Variants in PIP5K1B observed in about 807,000 individuals in gnomAD.
The protein encoded by PIP5K1B is phosphatidylinositol 4-phosphate 5-kinase type-1 beta.
In PIP5K1B, 42 loss-of-function variants were observed where a neutral mutation model predicts 67.0. The ratio of observed to expected loss-of-function variants is 0.63; its 90% CI spans 0.49 to 0.81. PIP5K1B has a LOEUF of 0.81. PIP5K1B is among the 30% of genes least tolerant of loss of function. PIP5K1B has a pLI of 0.00. For synonymous variants in PIP5K1B, 214 were observed against 231.4 expected (o/e 0.92, Z 0.68); for missense variants, 459 against 646.3 (o/e 0.71, Z 3.14).
chr9:68,710,293 T>A (rs184532860), intron 1 of PIP5K1B, among the ~76,000 whole-genome samples: 3 of 152,224 alleles, frequency 2.0e-5, no homozygotes, highest in African/African-American at 7.2e-5. Context: ...TCATTTGTGG[T>A]CTTATCAATA....
chr9:68,971,830 A>T (rs916884072), intron 14 of PIP5K1B, among the ~76,000 whole-genome samples: 2 of 151,950 alleles, frequency 1.3e-5, no homozygotes, highest in African/African-American at 4.8e-5. Context: ...CCACTTTTTG[A>T]TGGGGTTGTT....
At chr9:68,815,160 A>G (rs892758741) in intron 2 of PIP5K1B, among the ~76,000 whole-genome samples, 3 of 152,098 alleles carry the variant, frequency 2.0e-5, no homozygotes, top group African/African-American at 7.2e-5. Flanking sequence ...ATACAAAATG[A>G]CAAATTCTCT....
Position 68,894,328 on chromosome 9 carries a change from T to G in PIP5K1B, c.472-11T>G. 2 of 1,556,076 alleles carry G rather than the reference T, an allele frequency of 1.3e-6. No individual in the cohort carries two copies. The highest frequency in any genetic ancestry group is 1.8e-6 in the Non-Finnish European group (2 of 1,141,650). ...AGATTGTAAATATATTTTTCTTTTT[T>G]TGGTTTCTAGAATTTAAACCAGAAT... On this transcript the variant is annotated splice_polypyrimidine_tract_variant and intron_variant, in intron 7 of 15. Transcript: ENST00000265382.
chr9:68,994,030 T>C (rs1830496878), intron 15 of PIP5K1B, among the ~76,000 whole-genome samples: 1 of 144,088 alleles, frequency 6.9e-6, no homozygotes, highest in South Asian at 2.2e-4. Context: ...TCACTGTTTT[T>C]TCCTGAATTT....
At chr9:68,711,642 G>A (rs11143487) in intron 1 of PIP5K1B, among the ~76,000 whole-genome samples, 4 of 152,138 alleles carry the variant, frequency 2.6e-5, no homozygotes, top group Non-Finnish European at 4.4e-5. Flanking sequence ...CAGTCTGATA[G>A]ATGCTAATGT....
intron 6 of PIP5K1B, 24 bp from the exon 7 acceptor site, chr9:68,888,957 A>T: frequency 6.5e-7 from 1 of 1,541,722 alleles, no homozygotes; most frequent in South Asian, 1.1e-5. Context: ...ATATGTTTTA[A>T]TGTTTATTCA....
intron 14 of PIP5K1B, among the ~76,000 whole-genome samples, chr9:68,978,339 C>G (rs570963531): frequency 1.1e-4 from 16 of 152,342 alleles, no homozygotes; most frequent in African/African-American, 3.8e-4. Flanking sequence ...GTTCAGCTTT[C>G]TTAGATTTTA....
At chr9:68,762,403 A>C (rs1830225628) in intron 2 of PIP5K1B, among the ~76,000 whole-genome samples, 1 of 151,914 alleles carries the variant, frequency 6.6e-6, no homozygotes, top group Admixed American at 6.6e-5. Context: ...GAAAAATTAG[A>C]CTGTATTAAT....
At chr9:68,711,759 C>T (rs1043228297) in intron 1 of PIP5K1B, among the ~76,000 whole-genome samples, 1 of 152,082 alleles carries the variant, frequency 6.6e-6, no homozygotes, top group Non-Finnish European at 1.5e-5. Context: ...TATTTATCTT[C>T]TTTAGGAGAA....
chr9:68,944,265 A>T (rs1221507036), intron 14 of PIP5K1B, among the ~76,000 whole-genome samples: 1 of 152,226 alleles, frequency 6.6e-6, no homozygotes, highest in African/African-American at 2.4e-5. Flanking sequence ...CTGTTCTTTT[A>T]AAAAGAGGTA....
intron 5 of PIP5K1B, among the ~76,000 whole-genome samples, chr9:68,866,864 C>T (rs1375093200): frequency 6.6e-6 from 1 of 151,984 alleles, no homozygotes; most frequent in East Asian, 1.9e-4. Context: ...AGAGTCCAGT[C>T]CAGGGAAAAA....
At chr9:68,925,390 T>G (rs1418708963) in intron 12 of PIP5K1B, among the ~76,000 whole-genome samples, 1 of 152,174 alleles carries the variant, frequency 6.6e-6, no homozygotes, top group Non-Finnish European at 1.5e-5. Flanking sequence ...GCCAGCATTG[T>G]GGTTTTTAAA....
At chr9:68,794,310 TTAAG>T (rs1017414541) in intron 2 of PIP5K1B, among the ~76,000 whole-genome samples, 4 of 152,214 alleles carry the variant, frequency 2.6e-5, no homozygotes, top group Admixed American at 2.0e-4. Context: ...TAAATTGGTA[TTAAG>T]TGTTTCACAA....
intron 4 of PIP5K1B, among the ~76,000 whole-genome samples, chr9:68,826,876 C>T (rs767027913): frequency 3.4e-4 from 51 of 152,136 alleles, no homozygotes; most frequent in African/African-American, 1.2e-3. Flanking sequence ...CTCAGCCTCC[C>T]GAGTAGCTGG....
chr9:68,924,401 CA>C (rs71353093), intron 12 of PIP5K1B, among the ~76,000 whole-genome samples: 8,118 of 86,638 alleles, frequency 0.094, 721 homozygotes, highest in Non-Finnish European at 0.11. Flanking sequence ...CACTGCGCCT[CA>C]AAAAAAAAAA....
intron 2 of PIP5K1B, among the ~76,000 whole-genome samples, chr9:68,761,230 C>A (rs1279220885): frequency 6.6e-6 from 1 of 152,054 alleles, no homozygotes; most frequent in Non-Finnish European, 1.5e-5. Flanking sequence ...CTTGCATGCA[C>A]AAAGCCTCAA....
chr9:68,941,800 T>C (rs1827574929), intron 14 of PIP5K1B, among the ~76,000 whole-genome samples: 1 of 152,172 alleles, frequency 6.6e-6, no homozygotes. Context: ...TGGATATCCA[T>C]AGAGTCTAGC....
At chr9:68,749,002 C>T (rs556421205) in intron 2 of PIP5K1B, among the ~76,000 whole-genome samples, 7 of 152,264 alleles carry the variant, frequency 4.6e-5, no homozygotes, top group African/African-American at 1.4e-4. Flanking sequence ...GGGTTCAAAT[C>T]CCGCCTCTAC....
rs765260974 is a variant in PIP5K1B, at chr9:68,940,656, C to A, written c.1368C>A (p.Ser456=). ...TGCTTTCGTTCCTAGCCCTGGGATC[C>A]CGACACAGGCCAGACCTGGTCCCTA... ...FSSLDEEALG[S]RHRPDLVPST... is the part of the protein sequence containing the mutation. The change falls in exon 14 of 16, where the codon TCC becomes TCA. Residue 456 remains serine, a synonymous_variant. Coordinates refer to ENST00000265382, the MANE Select transcript of PIP5K1B (RefSeq NM_003558.4). 5.9e-5 allele frequency: 96 copies of A among 1,613,512 alleles called. No individual in the cohort carries two copies. The highest frequency in any genetic ancestry group is 7.8e-5 in the Non-Finnish European group (92 of 1,179,756).
Sources: gnomAD v4.1 joint callset for allele counts (sites outside exome capture counted in the v4.1 genomes callset) on GRCh38, gnomAD v4.1.1 for gene constraint, MANE v1.5 for transcripts, NCBI Gene and HGNC (gene_info 2026-07-23, HGNC 2026-07-21) for gene names.